Variants in RPS6KC1 observed in about 807,000 individuals in gnomAD.
The protein encoded by RPS6KC1 is inactive ribosomal protein S6 kinase delta-1.
RPS6KC1 carries 54 observed loss-of-function variants against 103.8 expected under a neutral mutation model. The observed-to-expected ratio is 0.52, with a 90% confidence interval of 0.42 to 0.65. The LOEUF is 0.65. Ranked by LOEUF, RPS6KC1 falls within the 30% of genes least tolerant of loss-of-function variation. The probability of loss-of-function intolerance (pLI) is 0.00; values close to 1 mark genes in which losing one functional copy is unlikely to be tolerated. For synonymous variants in RPS6KC1, 439 were observed against 438.7 expected, an observed-to-expected ratio of 1.00 and a Z score of -0.01; for missense variants, 1,151 against 1,253.8, an observed-to-expected ratio of 0.92 and a Z score of 1.24.
the RPS6KC1 span, among the ~76,000 whole-genome samples, chr1:213,618,615 CAT>C: frequency 7.2e-5 from 11 of 152,310 alleles, no homozygotes; most frequent in African/African-American, 2.2e-4. Context: ...TGGAATGAGT[CAT>C]GTGGCCTTTC....
the RPS6KC1 span, among the ~76,000 whole-genome samples, chr1:213,639,534 A>AT: frequency 6.6e-6 from 1 of 151,784 alleles, no homozygotes; most frequent in Admixed American, 6.6e-5. Flanking sequence ...GTTTTTTGGG[A>AT]TTTTTTGGTA....
At chr1:213,583,265 G>A in the RPS6KC1 span, among the ~76,000 whole-genome samples, 2 of 152,168 alleles carry the variant, frequency 1.3e-5, no homozygotes, top group Non-Finnish European at 2.9e-5. Flanking sequence ...TTTCTCTTGG[G>A]TAAATACCTA....
intron 1 of RPS6KC1, among the ~76,000 whole-genome samples, chr1:213,068,995 C>G (rs998881139): frequency 2.6e-5 from 4 of 151,234 alleles, no homozygotes; most frequent in Non-Finnish European, 5.9e-5. Context: ...GAGTTTGAGG[C>G]TGCAGTGAGC....
the RPS6KC1 span, among the ~76,000 whole-genome samples, chr1:213,643,482 G>A: frequency 1.3e-5 from 2 of 151,328 alleles, no homozygotes; most frequent in Admixed American, 6.6e-5. Flanking sequence ...TTTTTTTCAT[G>A]CTTATCTGGT....
chr1:213,659,849 G>T, the RPS6KC1 span, among the ~76,000 whole-genome samples: 1 of 152,170 alleles, frequency 6.6e-6, no homozygotes, highest in Non-Finnish European at 1.5e-5. Flanking sequence ...ATAGGGAAAA[G>T]GGAAGTCGTT....
chr1:213,648,773 CCTT>C, the RPS6KC1 span, among the ~76,000 whole-genome samples: 3 of 152,108 alleles, frequency 2.0e-5, no homozygotes, highest in African/African-American at 4.8e-5. Flanking sequence ...ATCACTGTAG[CCTT>C]CTTCTCCTGG....
the RPS6KC1 span, among the ~76,000 whole-genome samples, chr1:213,350,273 C>A: frequency 2.0e-5 from 3 of 152,210 alleles, no homozygotes; most frequent in Admixed American, 1.3e-4. Flanking sequence ...TGCAGCCTTG[C>A]AGTGGGAACT....
At chr1:213,725,235 C>T in the RPS6KC1 span, among the ~76,000 whole-genome samples, 16 of 152,344 alleles carry the variant, frequency 1.1e-4, no homozygotes, top group African/African-American at 3.1e-4. Context: ...AGTCTGTCCA[C>T]GGTGGTGAGG....
the RPS6KC1 span, among the ~76,000 whole-genome samples, chr1:213,851,535 C>T: frequency 6.6e-6 from 1 of 152,132 alleles, no homozygotes; most frequent in Non-Finnish European, 1.5e-5. Context: ...TATTTCATGA[C>T]ACGTTGAGCG....
At chr1:213,625,072 A>G in the RPS6KC1 span, among the ~76,000 whole-genome samples, 5 of 151,840 alleles carry the variant, frequency 3.3e-5, no homozygotes, top group African/African-American at 1.2e-4. Flanking sequence ...AATTTCCACC[A>G]CCCGGGTTCA....
the RPS6KC1 span, among the ~76,000 whole-genome samples, chr1:213,696,207 ACT>A: frequency 6.6e-6 from 1 of 151,448 alleles, no homozygotes; most frequent in Non-Finnish European, 1.5e-5. Context: ...CCTCTGTGAA[ACT>A]CTCTTCTTGG....
At chr1:213,420,606 C>G in the RPS6KC1 span, among the ~76,000 whole-genome samples, 1 of 152,030 alleles carries the variant, frequency 6.6e-6, no homozygotes, top group Non-Finnish European at 1.5e-5. Flanking sequence ...AACTGGAATC[C>G]CAGTTGTCTG....
the RPS6KC1 span, among the ~76,000 whole-genome samples, chr1:213,736,888 T>A: frequency 6.6e-6 from 1 of 152,040 alleles, no homozygotes; most frequent in Non-Finnish European, 1.5e-5. Flanking sequence ...ATATTAGGGG[T>A]GAAAGAGAAA....
chr1:213,129,980 TGGAA>T, intron 6 of RPS6KC1, 91 bp downstream of exon 6: 7 of 1,240,492 alleles, frequency 5.6e-6, no homozygotes, highest in African/African-American at 1.5e-5. Context: ...TATAGTCTTA[TGGAA>T]ATAATACTGA....
chr1:213,330,701 G>A, the RPS6KC1 span, among the ~76,000 whole-genome samples: 6 of 152,344 alleles, frequency 3.9e-5, no homozygotes, highest in African/African-American at 1.4e-4. Context: ...CCAGCTTGGA[G>A]CACTGAGAAG....
At chr1:213,587,571 G>A in the RPS6KC1 span, among the ~76,000 whole-genome samples, 1 of 152,216 alleles carries the variant, frequency 6.6e-6, no homozygotes, top group African/African-American at 2.4e-5. Flanking sequence ...GCATTGGAGT[G>A]TTTGATACAT....
At chr1:213,471,233 G>A in the RPS6KC1 span, among the ~76,000 whole-genome samples, 1 of 152,048 alleles carries the variant, frequency 6.6e-6, no homozygotes, top group Non-Finnish European at 1.5e-5. Context: ...TTTCTTTCTG[G>A]TATAACTAGA....
chr1:213,343,091 A>G, the RPS6KC1 span, among the ~76,000 whole-genome samples: 2 of 152,108 alleles, frequency 1.3e-5, no homozygotes, highest in Non-Finnish European at 2.9e-5. Flanking sequence ...TAAAATAACT[A>G]CTGCTTAAAA....
At chr1:213,244,011 G>A (rs1215804592) in intron 12 of RPS6KC1, among the ~76,000 whole-genome samples, 1 of 151,882 alleles carries the variant, frequency 6.6e-6, no homozygotes, top group Non-Finnish European at 1.5e-5. Flanking sequence ...AACTATTAGG[G>A]TTTTCTTTTC....
Sources: gnomAD v4.1 joint callset for allele counts (sites outside exome capture counted in the v4.1 genomes callset) on GRCh38, gnomAD v4.1.1 for gene constraint, MANE v1.5 for transcripts, NCBI Gene and HGNC (gene_info 2026-07-23, HGNC 2026-07-21) for gene names.